The following JAK2 variants were observed in gnomAD, a reference collection of about 807,000 sequenced individuals.
JAK2 encodes tyrosine-protein kinase JAK2.
Under a neutral mutation model 139.3 loss-of-function variants are expected in JAK2, and 86 were observed. That is an observed-to-expected ratio of 0.62 (90% CI 0.52 to 0.74). JAK2 has a LOEUF of 0.74. Among genes scored for constraint, JAK2 ranks in the 30% least tolerant of loss-of-function variants. The pLI, the probability that JAK2 is intolerant of heterozygous loss-of-function variation, is 0.00. For synonymous variants in JAK2, 490 were observed against 437.7 expected (o/e 1.12, Z -1.49); for missense variants, 1,421 against 1,360.3 (o/e 1.04, Z -0.70).
chr9:5,086,035 G>A, intron 19 of JAK2: 1 of 766,596 alleles, frequency 1.3e-6, no homozygotes, highest in Non-Finnish European at 2.4e-6. Context: ...GGACAGGCAG[G>A]TGTTAAATGC....
intron 19 of JAK2, among the ~76,000 whole-genome samples, chr9:5,082,827 C>A (rs1563986287): frequency 6.6e-6 from 1 of 152,222 alleles, no homozygotes; most frequent in Admixed American, 6.5e-5. Context: ...AGCCTTAAAC[C>A]TTGATTCCAT....
At chr9:4,990,355 T>C (rs930800626) in intron 2 of JAK2, among the ~76,000 whole-genome samples, 3 of 152,188 alleles carry the variant, frequency 2.0e-5, no homozygotes, top group African/African-American at 7.2e-5. Flanking sequence ...TAATGGCAGT[T>C]ACTAACAAAA....
At chr9:5,118,370 T>G (rs942675351) in intron 22 of JAK2, among the ~76,000 whole-genome samples, 1 of 152,240 alleles carries the variant, frequency 6.6e-6, no homozygotes. Context: ...ATTTTCTTTG[T>G]AACCAAGATA....
intron 11 of JAK2, among the ~76,000 whole-genome samples, chr9:5,069,484 A>G (rs1185828026): frequency 6.6e-6 from 1 of 152,176 alleles, no homozygotes; most frequent in Non-Finnish European, 1.5e-5. Context: ...TCACTACTAA[A>G]TTCTTATGTT....
At chr9:5,026,277 T>C (rs1207955963) in intron 3 of JAK2, among the ~76,000 whole-genome samples, 1 of 152,212 alleles carries the variant, frequency 6.6e-6, no homozygotes, top group Non-Finnish European at 1.5e-5. Flanking sequence ...TCATTATTCA[T>C]TATAAATGCC....
In JAK2 at chr9:5,102,701, G is replaced by C. The variant is rs529479570; in HGVS notation, c.3059+11790G>C. Among the ~76,000 whole-genome samples, 592 of 152,310 alleles carry C rather than the reference G, an allele frequency of 3.9e-3. 2 individuals carry two copies. Among genetic ancestry groups the C allele is most frequent in the Non-Finnish European group, 7.3e-3 (494 of 68,036 alleles). ...CAGACTAACAGCGGATCTCTCAGCA[G>C]AAACTCTACAAGCCAGAAGAGAGTG... On this transcript the variant is annotated intron_variant, in intron 22 of 24. Coordinates refer to ENST00000381652, the MANE Select transcript of JAK2 (RefSeq NM_004972.4).
At position 5,072,571 on chromosome 9, in the gene JAK2, A is replaced by C; in HGVS notation, c.1721A>C (p.His574Pro). The stretch of plus-strand genomic sequence containing the variant: ...GAAGTAGGAGACTACGGTCAACTGC[A>C]TGAAACAGAAGTTCTTTTAAAAGTT... ...RREVGDYGQL[H>P]ETEVLLKVLD... Residue 574 changes from histidine to proline, a missense_variant, in exon 13 of 25, where the codon CAT (histidine) becomes CCT (proline). Coordinates refer to ENST00000381652, the MANE Select transcript of JAK2 (RefSeq NM_004972.4). 1 of 1,611,442 alleles carries C rather than the reference A, an allele frequency of 6.2e-7. No individual in the cohort carries two copies. The highest frequency in any genetic ancestry group is 2.2e-5 in the East Asian group (1 of 44,806).
At chr9:4,986,073 T>A (rs1029002983) in intron 2 of JAK2, 51 bp downstream of exon 2, 1 of 152,502 alleles carries the variant, frequency 6.6e-6, no homozygotes, top group Non-Finnish European at 1.5e-5. Context: ...TGTCTGGAGC[T>A]GGGAGTGCGT....
At chr9:5,117,550 C>T (rs1823289911) in intron 22 of JAK2, among the ~76,000 whole-genome samples, 1 of 152,094 alleles carries the variant, frequency 6.6e-6, no homozygotes, top group South Asian at 2.1e-4. Flanking sequence ...TTTAACCAAA[C>T]ATTGAAGAGA....
chr9:5,037,887 T>C (rs905113376), intron 4 of JAK2, among the ~76,000 whole-genome samples: 2 of 152,154 alleles, frequency 1.3e-5, no homozygotes, highest in African/African-American at 4.8e-5. Context: ...ATTGTAAAGA[T>C]AGTTTCAACA....
At chr9:4,991,838 C>T (rs956082425) in intron 2 of JAK2, among the ~76,000 whole-genome samples, 2 of 152,144 alleles carry the variant, frequency 1.3e-5, no homozygotes, top group African/African-American at 4.8e-5. Flanking sequence ...TAGAAGAGCT[C>T]ATCCCCTTTG....
chr9:5,129,142 C>A lies in JAK2; in HGVS notation c.*2351C>A, dbSNP rs1378604076. Among the ~76,000 whole-genome samples, 2 of 152,012 alleles carry A rather than the reference C, an allele frequency of 1.3e-5. No individual in the cohort carries two copies. The highest frequency in any genetic ancestry group is 2.9e-5 in the Non-Finnish European group (2 of 67,914). On this transcript the variant is annotated 3_prime_UTR_variant, in exon 25 of 25. Coordinates refer to ENST00000381652, the MANE Select transcript of JAK2 (RefSeq NM_004972.4). ...TATTTAAATTTTATTTAAACAGCTACAAAAGAGTTAGCAAATACCTACAGT... is the reference window on the plus strand; with the variant it reads ...TATTTAAATTTTATTTAAACAGCTAAAAAAGAGTTAGCAAATACCTACAGT...
chr9:5,044,012 A>G (rs1816815368), intron 4 of JAK2, among the ~76,000 whole-genome samples: 1 of 152,224 alleles, frequency 6.6e-6, no homozygotes, highest in African/African-American at 2.4e-5. Context: ...GTTTCTCTGA[A>G]GGACAAGTTT....
intron 6 of JAK2, among the ~76,000 whole-genome samples, chr9:5,053,319 GTTAT>G (rs983359562): frequency 1.3e-5 from 2 of 151,850 alleles, no homozygotes; most frequent in African/African-American, 2.4e-5. Context: ...TTTTAATTGG[GTTAT>G]TTGTCTTTTA....
chr9:5,035,155 C>T (rs939915077), intron 4 of JAK2, among the ~76,000 whole-genome samples: 2 of 152,172 alleles, frequency 1.3e-5, no homozygotes, highest in African/African-American at 4.8e-5. Context: ...AATTCCTGGA[C>T]ACATACACCC....
intron 2 of JAK2, among the ~76,000 whole-genome samples, chr9:4,995,244 T>C (rs1820493824): frequency 6.6e-6 from 1 of 152,236 alleles, no homozygotes; most frequent in African/African-American, 2.4e-5. Context: ...CTTTGCTTTG[T>C]GGGAGCTCTT....
chr9:5,105,733 G>C (rs868267588), intron 22 of JAK2, among the ~76,000 whole-genome samples: 2 of 152,166 alleles, frequency 1.3e-5, no homozygotes, highest in African/African-American at 4.8e-5. Flanking sequence ...CAATGGAACA[G>C]AACAGAGGCC....
chr9:5,088,347 G>GA (rs1426930721), intron 19 of JAK2, among the ~76,000 whole-genome samples: 1 of 152,144 alleles, frequency 6.6e-6, no homozygotes, highest in Admixed American at 6.5e-5. Context: ...GTATATAACT[G>GA]AAAATATAGT....
intron 4 of JAK2, among the ~76,000 whole-genome samples, chr9:5,038,573 A>C (rs1816244287): frequency 6.7e-6 from 1 of 149,392 alleles, no homozygotes; most frequent in Admixed American, 6.7e-5. Flanking sequence ...AATGCTTGGG[A>C]CCAGAAGTGT....
Sources: allele counts gnomAD v4.1 joint callset (sites outside exome capture counted in the v4.1 genomes callset), GRCh38; gene constraint gnomAD v4.1.1; transcripts MANE v1.5; gene names NCBI Gene and HGNC (gene_info 2026-07-23, HGNC 2026-07-21).